ARL15: variants seen among roughly 807,000 people sequenced by gnomAD.
ARL15 encodes the protein ADP-ribosylation factor-like protein 15.
ARL15 carries 19 observed loss-of-function variants against 25.2 expected under a neutral mutation model. The ratio of observed to expected loss-of-function variants is 0.75; its 90% CI spans 0.53 to 1.10. ARL15 has a LOEUF of 1.10. Among genes scored for constraint, ARL15 ranks in the 50% least tolerant of loss-of-function variants. The pLI is 0.00. For synonymous variants in ARL15, 94 were observed against 86.8 expected, an observed-to-expected ratio of 1.08 and a Z score of -0.46; for missense variants, 220 against 246.0, an observed-to-expected ratio of 0.89 and a Z score of 0.71.
At chr5:54,031,637 C>T (rs1749986225) in intron 4 of ARL15, among the ~76,000 whole-genome samples, 1 of 152,128 alleles carries the variant, frequency 6.6e-6, no homozygotes, top group African/African-American at 2.4e-5. Flanking sequence ...TATAATGGCC[C>T]ACCTGAATGT....
intron 1 of ARL15, among the ~76,000 whole-genome samples, chr5:54,286,868 T>TG: frequency 6.9e-6 from 1 of 144,294 alleles, no homozygotes; most frequent in Non-Finnish European, 1.5e-5. Flanking sequence ...TTGCAGGGCT[T>TG]TTTTTTTTTT....
At chr5:54,016,083 C>G (rs143271527) in intron 4 of ARL15, among the ~76,000 whole-genome samples, 11 of 152,192 alleles carry the variant, frequency 7.2e-5, no homozygotes, top group African/African-American at 2.4e-4. Context: ...TTTCCCTTGT[C>G]TCATGTTTTG....
intron 4 of ARL15, among the ~76,000 whole-genome samples, chr5:54,046,546 T>G (rs923203423): frequency 6.6e-6 from 1 of 151,828 alleles, no homozygotes; most frequent in Non-Finnish European, 1.5e-5. Context: ...TTGAAAAAAT[T>G]AAAAAATCAT....
chr5:54,037,834 TA>T (rs1750219124), intron 4 of ARL15, among the ~76,000 whole-genome samples: 1 of 151,998 alleles, frequency 6.6e-6, no homozygotes, highest in African/African-American at 2.4e-5. Context: ...GCTAACAAGC[TA>T]AAACAAACCT....
intron 4 of ARL15, among the ~76,000 whole-genome samples, chr5:54,019,021 A>T (rs746785892): frequency 1.3e-5 from 2 of 152,206 alleles, no homozygotes; most frequent in Non-Finnish European, 2.9e-5. Flanking sequence ...TTATTGTTAA[A>T]CAGTTTTTTG....
chr5:53,919,365 A>C (rs944503457), intron 4 of ARL15, among the ~76,000 whole-genome samples: 2 of 152,182 alleles, frequency 1.3e-5, no homozygotes, highest in Admixed American at 6.5e-5. Flanking sequence ...TCATGGTAGA[A>C]TCTACAAATG....
chr5:54,124,496 C>T (rs1449302282), intron 3 of ARL15, among the ~76,000 whole-genome samples: 1 of 152,192 alleles, frequency 6.6e-6, no homozygotes, highest in African/African-American at 2.4e-5. Flanking sequence ...CACACCTCCA[C>T]TCTTTGGTTT....
At chr5:54,089,908 G>C (rs1324477216) in intron 4 of ARL15, among the ~76,000 whole-genome samples, 1 of 152,120 alleles carries the variant, frequency 6.6e-6, no homozygotes, top group Non-Finnish European at 1.5e-5. Context: ...ATTAGAAAAT[G>C]TCACTTTATG....
At chr5:54,012,198 G>T (rs554593658) in intron 4 of ARL15, among the ~76,000 whole-genome samples, 3 of 152,226 alleles carry the variant, frequency 2.0e-5, no homozygotes, top group African/African-American at 7.2e-5. Context: ...TAATATTTCA[G>T]ATCAAATAAT....
At chr5:53,900,289 A>C (rs962501206) in intron 4 of ARL15, among the ~76,000 whole-genome samples, 13 of 152,350 alleles carry the variant, frequency 8.5e-5, no homozygotes, top group African/African-American at 3.1e-4. Context: ...ATTGAACCAC[A>C]AACCCCTGAA....
chr5:54,242,928 T>C (rs1005405298), intron 1 of ARL15, among the ~76,000 whole-genome samples: 2 of 152,156 alleles, frequency 1.3e-5, no homozygotes, highest in African/African-American at 2.4e-5. Context: ...CTTTTCAATA[T>C]AGAGAATATA....
At chr5:54,072,789 T>G (rs1751468170) in intron 4 of ARL15, among the ~76,000 whole-genome samples, 1 of 152,230 alleles carries the variant, frequency 6.6e-6, no homozygotes, top group Non-Finnish European at 1.5e-5. Context: ...TCCCACTCCC[T>G]TTCCAAAACA....
Position 53,948,884 on chromosome 5 carries a change from A to C in ARL15, c.463-62171T>G, listed in dbSNP as rs78753874. ...AGACATGCTACTGAAACATAAATGT[A>C]CATAGCCCGGAGCTGAAGGATTTTA... On this transcript the variant is annotated intron_variant, in intron 4 of 4. Coordinates refer to ENST00000504924, the MANE Select transcript of ARL15 (RefSeq NM_019087.3). 1.8e-4 allele frequency among the ~76,000 whole-genome samples: 28 copies of C among 152,332 alleles called. No individual in the cohort carries two copies. In the East Asian group the frequency reaches 5.2e-3, roughly 28 times the overall value.
At chr5:53,988,947 T>G (rs765390990) in intron 4 of ARL15, among the ~76,000 whole-genome samples, 1 of 152,194 alleles carries the variant, frequency 6.6e-6, no homozygotes, top group Non-Finnish European at 1.5e-5. Flanking sequence ...CATCAAGAAC[T>G]GAACACCAGG....
chr5:54,189,899 A>G (rs1755346898), intron 1 of ARL15, among the ~76,000 whole-genome samples: 1 of 152,208 alleles, frequency 6.6e-6, no homozygotes, highest in African/African-American at 2.4e-5. Context: ...AATGGGAAAA[A>G]ATATTTTTAA....
At chr5:54,226,171 C>G (rs1195984361) in intron 1 of ARL15, among the ~76,000 whole-genome samples, 1 of 152,128 alleles carries the variant, frequency 6.6e-6, no homozygotes, top group East Asian at 1.9e-4. Flanking sequence ...GAGCCAACAG[C>G]TGACACGGTG....
chr5:53,908,578 A>G (rs546299681), intron 4 of ARL15, among the ~76,000 whole-genome samples: 1 of 152,308 alleles, frequency 6.6e-6, no homozygotes, highest in South Asian at 2.1e-4. Context: ...ATGGATACTG[A>G]GGGACAACTG....
intron 4 of ARL15, among the ~76,000 whole-genome samples, chr5:53,900,370 A>G (rs1267633722): frequency 1.3e-5 from 2 of 152,218 alleles, no homozygotes. Context: ...TGCTTATAAC[A>G]GGCATTATAA....
At chr5:54,142,182 G>C (rs1753798607) in intron 3 of ARL15, among the ~76,000 whole-genome samples, 1 of 152,162 alleles carries the variant, frequency 6.6e-6, no homozygotes, top group African/African-American at 2.4e-5. Context: ...ACAGTAAGTG[G>C]AGGAGTTAAG....
Sources: allele counts gnomAD v4.1 joint callset (sites outside exome capture counted in the v4.1 genomes callset), GRCh38; gene constraint gnomAD v4.1.1; transcripts MANE v1.5; gene names NCBI Gene and HGNC (gene_info 2026-07-23, HGNC 2026-07-21).